DISP3: variants seen among roughly 807,000 people sequenced by gnomAD.
DISP3 encodes the protein protein dispatched homolog 3.
Under a neutral mutation model 135.3 loss-of-function variants are expected in DISP3, and 101 were observed. The ratio of observed to expected loss-of-function variants is 0.75; its 90% CI spans 0.64 to 0.88. DISP3 has a LOEUF of 0.88. Among genes scored for constraint, DISP3 ranks in the 40% least tolerant of loss-of-function variants. The pLI, the probability that DISP3 is intolerant of heterozygous loss-of-function variation, is 0.00. For synonymous variants in DISP3, 856 were observed against 817.0 expected (o/e 1.05, Z -0.81); for missense variants, 1,713 against 1,878.6 (o/e 0.91, Z 1.63).
chr1:11,530,988 A>G lies in DISP3; in HGVS notation c.3184A>G (p.Asn1062Asp), dbSNP rs1283353769. The change falls in exon 16 of 21, where the codon AAC becomes GAC. Residue 1062 changes from asparagine (N) to aspartate (D), a missense_variant. Coordinates refer to ENST00000294484, the MANE Select transcript of DISP3 (RefSeq NM_020780.2). ...TCACCTCTGCAAGGCCATCGCAGCCAACTCCGAGCTGGTGAAGCCGGGTGG... is the reference window on the plus strand; with the variant it reads ...TCACCTCTGCAAGGCCATCGCAGCCGACTCCGAGCTGGTGAAGCCGGGTGG... ...LCHLCKAIAANSELVKPGGAQ... is the reference protein window; with the variant it reads ...LCHLCKAIAADSELVKPGGAQ... 2 of 1,613,870 alleles carry G rather than the reference A, an allele frequency of 1.2e-6. No individual in the cohort carries two copies. The highest frequency in any genetic ancestry group is 1.7e-5 in the Admixed American group (1 of 59,996).
Position 11,526,830 on chromosome 1 carries a change from C to A in DISP3, c.2793C>A (p.His931Gln). ...ACGTGGCCACCAAGGAGCAGCAGCA[C>A]ACCCGGTAACAGAGCCTGGCAGACA... ...SFYVATKEQQ[H>Q]TRKLYFAQSH... is the part of the protein sequence containing the mutation. The change falls in exon 13 of 21, where the codon CAC (histidine) becomes CAA (glutamine). Residue 931 changes from histidine (H) to glutamine (Q), a missense_variant. Physicochemically the swap from His to Gln is conservative, Grantham distance 24. Around this residue, in one of 2 missense-constraint regions of DISP3, gnomAD observed 1,142 missense variants for 1,384.6 expected, o/e 0.82. Transcript: ENST00000294484. 6.2e-7 allele frequency: 1 copy of A among 1,600,694 alleles called. No homozygotes were observed.
At position 11,519,880 on chromosome 1, in the gene DISP3, G is replaced by A; in HGVS notation, c.2200G>A (p.Gly734Arg). The change falls in exon 9 of 21, where the codon GGG becomes AGG. Residue 734 changes from glycine (G) to arginine (R), a missense_variant and splice_region_variant. By Grantham distance (125) the Gly-to-Arg change is moderately radical (BLOSUM62 -2). Around this residue, in one of 2 missense-constraint regions of DISP3, gnomAD observed 1,142 missense variants for 1,384.6 expected, o/e 0.82. Coordinates refer to ENST00000294484, the MANE Select transcript of DISP3 (RefSeq NM_020780.2). The surrounding 1 kb of genome is among the most constrained non-coding windows in gnomAD (Gnocchi z 4.3). ...SAVKSRWVIV[G>R]LFVSILILSL... ...CGTCAAGAGCCGCTGGGTGATTGTG[G>A]GTAAGTGGGCCCTCCGGCCCTGCCC... The A allele has an allele frequency of 1.9e-6, 3 of 1,604,962 alleles. No individual in the cohort carries two copies. The highest frequency in any genetic ancestry group is 2.6e-6 in the Non-Finnish European group (3 of 1,175,978).
intron 1 of DISP3, among the ~76,000 whole-genome samples, chr1:11,495,376 G>A (rs559462412): frequency 6.6e-6 from 1 of 152,272 alleles, no homozygotes; most frequent in Admixed American, 6.5e-5. Flanking sequence ...GGGTGACAGA[G>A]CGAGACTCTG....
Position 11,501,786 on chromosome 1 carries a change from C to T in DISP3, c.794C>T (p.Ala265Val), listed in dbSNP as rs768925709. The change falls in exon 2 of 21, where the codon GCC becomes GTC. Residue 265 changes from alanine (A) to valine (V), a missense_variant. Physicochemically the swap from Ala to Val is moderately conservative, Grantham distance 64 (BLOSUM62 0). Coordinates refer to ENST00000294484, the MANE Select transcript of DISP3 (RefSeq NM_020780.2). This position sits in a 1 kb window ranked among gnomAD's most constrained non-coding sequence, Gnocchi z 4.9. The stretch of plus-strand genomic sequence containing the variant: ...GACTACTCGCGCGCCTATGTGAGTG[C>T]CAACACTCAGACGCACGCGCACTGG... ...RWDYSRAYVS[A>V]NTQTHAHWRI... 10 of 1,599,774 alleles carry T rather than the reference C, an allele frequency of 6.3e-6. No homozygotes were observed. The highest frequency in any genetic ancestry group is 1.7e-5 in the Admixed American group (1 of 59,086).
At chr1:11,497,954 A>C (rs533513765) in intron 1 of DISP3, among the ~76,000 whole-genome samples, 1 of 152,312 alleles carries the variant, frequency 6.6e-6, no homozygotes, top group African/African-American at 2.4e-5. Flanking sequence ...GTTTTAGGCC[A>C]CGAGAAGCCA....
chr1:11,482,412 T>C (rs1640926473), intron 1 of DISP3, among the ~76,000 whole-genome samples: 1 of 152,198 alleles, frequency 6.6e-6, no homozygotes, highest in African/African-American at 2.4e-5. Flanking sequence ...ACCATGTGGC[T>C]AAGCAGCCTC....
chr1:11,512,079 A>G (rs572580693), intron 3 of DISP3, among the ~76,000 whole-genome samples: 1 of 152,302 alleles, frequency 6.6e-6, no homozygotes, highest in South Asian at 2.1e-4. Flanking sequence ...GGCCTGACCC[A>G]TGAAACCAAT....
At chr1:11,518,329 C>T (rs528027312) in intron 7 of DISP3, among the ~76,000 whole-genome samples, 1 of 152,250 alleles carries the variant, frequency 6.6e-6, no homozygotes, top group East Asian at 1.9e-4. Context: ...CAGCGAGGAG[C>T]TTAGACTTGG....
chr1:11,480,822 G>A (rs1180381706), intron 1 of DISP3, among the ~76,000 whole-genome samples: 1 of 151,872 alleles, frequency 6.6e-6, no homozygotes, highest in East Asian at 1.9e-4. Context: ...AGGGAGGGAG[G>A]AGGCTGTGGC....
rs201023098 is a variant in DISP3, at chr1:11,519,855, C to T, written c.2175C>T (p.Ala725=). The change falls in exon 9 of 21, where the codon GCC becomes GCT. Residue 725 remains alanine, a synonymous_variant. Transcript: ENST00000294484. This position sits in a 1 kb window ranked among gnomAD's most constrained non-coding sequence, Gnocchi z 4.3. ...TGCACCACTGGGTCCTGTGGTCAGCCGTCAAGAGCCGCTGGGTGATTGTGG... is the reference window on the plus strand; with the variant it reads ...TGCACCACTGGGTCCTGTGGTCAGCTGTCAAGAGCCGCTGGGTGATTGTGG... ...ELLHHWVLWS[A]VKSRWVIVGL... The T allele has an allele frequency of 1.1e-5, 17 of 1,610,736 alleles. No homozygotes were observed. In the African/African-American group the frequency reaches 1.5e-4, roughly 14 times the overall value.
chr1:11,507,653 A>G (rs960227715), intron 3 of DISP3, among the ~76,000 whole-genome samples: 3 of 152,218 alleles, frequency 2.0e-5, no homozygotes, highest in Non-Finnish European at 4.4e-5. Flanking sequence ...TACCTTTCCT[A>G]GGTTCTTTCC....
intron 18 of DISP3, 190 bp downstream of exon 18, chr1:11,534,730 C>A: frequency 1.2e-6 from 1 of 814,944 alleles, no homozygotes; most frequent in Non-Finnish European, 1.9e-6. Context: ...GGGCATCTGG[C>A]CACGTTCTCT....
In DISP3 at chr1:11,531,905, C is replaced by T. The variant is rs1392816673; in HGVS notation, c.3375+195C>T. ...AGACCGCCTAACTGCAGAGCTCTGC[C>T]CTTTCTTCCCCATGGGCGGCCTGCC... On this transcript the variant is annotated intron_variant, in intron 17 of 20. Transcript: ENST00000294484. The surrounding 1 kb of genome is among the most constrained non-coding windows in gnomAD (Gnocchi z 5.2). Among the ~76,000 whole-genome samples the T allele has an allele frequency of 1.3e-5, 2 of 152,192 alleles. No homozygotes were observed. Among genetic ancestry groups the T allele is most frequent in the Non-Finnish European group, 2.9e-5 (2 of 68,024 alleles).
chr1:11,524,687 A>C (rs1174198183), intron 11 of DISP3, among the ~76,000 whole-genome samples: 1 of 36,932 alleles, frequency 2.7e-5, no homozygotes, highest in Non-Finnish European at 5.0e-5. Flanking sequence ...ACCCCATCCC[A>C]GTGACTACCA....
rs543778909 is a variant in DISP3, at chr1:11,523,072, G to A, written c.2363-870G>A. Among the ~76,000 whole-genome samples, 8 of 152,330 alleles carry A rather than the reference G, an allele frequency of 5.3e-5. No individual in the cohort carries two copies. The South Asian group carries it at 1.7e-3, about 32-fold the overall frequency. ...CCTTCAGAGTACAGCAGAGTGCTTCGGCTTTACAAAGGGCAGGCGAGGCCA... is the reference window on the plus strand; with the variant it reads ...CCTTCAGAGTACAGCAGAGTGCTTCAGCTTTACAAAGGGCAGGCGAGGCCA... On this transcript the variant is annotated intron_variant, in intron 10 of 20. Coordinates refer to ENST00000294484, the MANE Select transcript of DISP3 (RefSeq NM_020780.2).
rs545598528 is a variant in DISP3, at chr1:11,511,453, A to G, written c.1317-2937A>G. Among the ~76,000 whole-genome samples, 17 of 152,358 alleles carry G rather than the reference A, an allele frequency of 1.1e-4. No individual in the cohort carries two copies. In the East Asian group the frequency reaches 3.1e-3, roughly 28 times the overall value. On this transcript the variant is annotated intron_variant, in intron 3 of 20. Transcript: ENST00000294484. The stretch of plus-strand genomic sequence containing the variant: ...GGCCCATGCAAGTTTGAAATCCAGC[A>G]GGGCAGTCAAATTTTAAAGCTCCAA...
chr1:11,515,104 C>T (rs550961287), intron 4 of DISP3, among the ~76,000 whole-genome samples: 2 of 152,248 alleles, frequency 1.3e-5, no homozygotes, highest in Non-Finnish European at 2.9e-5. Context: ...ACAGTTCCTA[C>T]CCCCAGGTAA....
In DISP3 at chr1:11,536,837, G is replaced by A. The variant is rs1186480000; in HGVS notation, c.*151G>A. 9 of 1,080,554 alleles carry A rather than the reference G, an allele frequency of 8.3e-6. 1 individual carries two copies. In the East Asian group the frequency reaches 1.3e-4, roughly 16 times the overall value. The allele number at this position is 1,080,554 out of a possible 1,614,324, so 66.9% of individuals were successfully genotyped here. A position where few individuals can be genotyped will look rare whatever the true frequency, so the allele number is the denominator to read the frequency against. On this transcript the variant is annotated 3_prime_UTR_variant, in exon 21 of 21. Coordinates refer to ENST00000294484, the MANE Select transcript of DISP3 (RefSeq NM_020780.2). This position sits in a 1 kb window ranked among gnomAD's most constrained non-coding sequence, Gnocchi z 4.3. The stretch of plus-strand genomic sequence containing the variant: ...GGAGGCTGACACCCACACAGATGGT[G>A]TGGACCATGCTGCCTTGTGGAGCTG...
intron 1 of DISP3, among the ~76,000 whole-genome samples, chr1:11,485,741 C>G (rs189005330): frequency 9.8e-5 from 15 of 152,312 alleles, no homozygotes; most frequent in Admixed American, 3.9e-4. Flanking sequence ...TGGCTTAGAA[C>G]TTTACAGATA....
Sources: allele counts gnomAD v4.1 joint callset (sites outside exome capture counted in the v4.1 genomes callset), GRCh38; gene constraint gnomAD v4.1.1; regional missense constraint gnomAD v4.1.1; non-coding constraint Gnocchi (gnomAD v3.1); transcripts MANE v1.5; gene names NCBI Gene and HGNC (gene_info 2026-07-23, HGNC 2026-07-21).